Variants in EPHA6 observed in about 807,000 individuals in gnomAD.
EPHA6 encodes EPH receptor A6.
Under a neutral mutation model 112.0 loss-of-function variants are expected in EPHA6, and 50 were observed. That is an observed-to-expected ratio of 0.45 (90% CI 0.36 to 0.56). The LOEUF is 0.56. Ranked by LOEUF, EPHA6 falls within the 20% of genes least tolerant of loss-of-function variation. The probability of loss-of-function intolerance (pLI) is 0.00; values close to 1 mark genes in which losing one functional copy is unlikely to be tolerated. For synonymous variants in EPHA6, 529 were observed against 490.7 expected (o/e 1.08, Z -1.03); for missense variants, 1,280 against 1,417.4 (o/e 0.90, Z 1.56).
intron 5 of EPHA6, among the ~76,000 whole-genome samples, chr3:97,295,666 C>T (rs894449663): frequency 6.6e-6 from 1 of 151,490 alleles, no homozygotes; most frequent in African/African-American, 2.4e-5. Context: ...GTGCAACAGT[C>T]ACTTTTTCCA....
chr3:97,183,538 A>G (rs1402913060), intron 3 of EPHA6, among the ~76,000 whole-genome samples: 9 of 152,176 alleles, frequency 5.9e-5, no homozygotes, highest in African/African-American at 2.2e-4. Flanking sequence ...CATAAAAGTT[A>G]TTCACATTCT....
intron 2 of EPHA6, among the ~76,000 whole-genome samples, chr3:96,889,075 A>C (rs1055469546): frequency 8.5e-5 from 13 of 152,100 alleles, no homozygotes; most frequent in African/African-American, 3.1e-4. Flanking sequence ...CATAACAAGA[A>C]TCACCTTTGC....
chr3:97,071,859 A>C (rs1254123205), intron 3 of EPHA6, among the ~76,000 whole-genome samples: 1 of 151,884 alleles, frequency 6.6e-6, no homozygotes, highest in Non-Finnish European at 1.5e-5. Context: ...TTAGTCTTTT[A>C]TTCCTCACCC....
chr3:97,161,717 GCC>G (rs2076420352), intron 3 of EPHA6, among the ~76,000 whole-genome samples: 1 of 152,032 alleles, frequency 6.6e-6, no homozygotes, highest in Non-Finnish European at 1.5e-5. Flanking sequence ...AAAAAAAAAG[GCC>G]CCTGAATTTT....
chr3:97,614,256 T>G, intron 13 of EPHA6, among the ~76,000 whole-genome samples: 1 of 152,036 alleles, frequency 6.6e-6, no homozygotes, highest in East Asian at 1.9e-4. Flanking sequence ...CAAAATTCAG[T>G]TATACCAAAA....
intron 2 of EPHA6, among the ~76,000 whole-genome samples, chr3:96,868,970 C>G (rs1157453010): frequency 1.3e-5 from 2 of 151,882 alleles, no homozygotes; most frequent in African/African-American, 2.4e-5. Context: ...GAAAATTGAG[C>G]ATCTCTGGTG....
At chr3:97,014,185 A>G (rs1362970158) in intron 3 of EPHA6, among the ~76,000 whole-genome samples, 1 of 152,144 alleles carries the variant, frequency 6.6e-6, no homozygotes, top group African/African-American at 2.4e-5. Flanking sequence ...AAAGAGCGAT[A>G]GATAGGTCAA....
intron 6 of EPHA6, among the ~76,000 whole-genome samples, chr3:97,415,995 C>T (rs753415052): frequency 2.0e-5 from 3 of 151,918 alleles, no homozygotes; most frequent in African/African-American, 4.8e-5. Flanking sequence ...AATGTTTCTC[C>T]ATTTCGCCTA....
At chr3:97,697,878 C>T (rs577920600) in intron 14 of EPHA6, among the ~76,000 whole-genome samples, 1 of 152,302 alleles carries the variant, frequency 6.6e-6, no homozygotes, top group South Asian at 2.1e-4. Context: ...ACTATTCACA[C>T]CTGTTTTATA....
At chr3:96,948,091 G>A (rs1001073683) in intron 2 of EPHA6, among the ~76,000 whole-genome samples, 10 of 152,254 alleles carry the variant, frequency 6.6e-5, no homozygotes, top group Non-Finnish European at 1.5e-4. Flanking sequence ...TATCCTGTAC[G>A]TATTTTGGAT....
intron 6 of EPHA6, among the ~76,000 whole-genome samples, chr3:97,409,100 A>G (rs1264635029): frequency 6.6e-6 from 1 of 152,108 alleles, no homozygotes; most frequent in Non-Finnish European, 1.5e-5. Context: ...AATTACCTCT[A>G]ACAAGTTTTT....
intron 5 of EPHA6, among the ~76,000 whole-genome samples, chr3:97,259,865 A>T (rs536823283): frequency 4.6e-5 from 7 of 151,672 alleles, no homozygotes; most frequent in African/African-American, 1.7e-4. Flanking sequence ...CAGTGGCACA[A>T]TCTCAGCTCA....
At chr3:96,926,358 A>G (rs2040035206) in intron 2 of EPHA6, among the ~76,000 whole-genome samples, 1 of 152,134 alleles carries the variant, frequency 6.6e-6, no homozygotes, top group Admixed American at 6.5e-5. Context: ...TTGGGTGGGG[A>G]CACAGAACCA....
chr3:97,613,810 C>T (rs2093740499), intron 13 of EPHA6, among the ~76,000 whole-genome samples: 1 of 152,172 alleles, frequency 6.6e-6, no homozygotes, highest in South Asian at 2.1e-4. Context: ...TTTCTAAGCC[C>T]ATTTGGGGAT....
In EPHA6 at chr3:96,947,786, A is replaced by G. The variant is rs191008131; in HGVS notation, c.451-39544A>G. ...ATGGAAGAACATTCCATGCTCATGG[A>G]TAGGAAGAATCAATATCATGAAAAT... On this transcript the variant is annotated intron_variant, in intron 2 of 17. Coordinates refer to ENST00000389672, the MANE Select transcript of EPHA6 (RefSeq NM_001080448.3). Among the ~76,000 whole-genome samples the G allele has an allele frequency of 3.3e-3, 500 of 152,320 alleles. 3 individuals carry two copies. Among genetic ancestry groups the G allele is most frequent in the Non-Finnish European group, 5.1e-3 (348 of 68,014 alleles).
intron 14 of EPHA6, among the ~76,000 whole-genome samples, chr3:97,692,218 G>A (rs1359000620): frequency 6.6e-6 from 1 of 152,054 alleles, no homozygotes. Context: ...GTTAAGCCAG[G>A]TTATTTTCAT....
intron 4 of EPHA6, among the ~76,000 whole-genome samples, chr3:97,234,273 C>G (rs1183740110): frequency 6.6e-6 from 1 of 152,008 alleles, no homozygotes; most frequent in Non-Finnish European, 1.5e-5. Context: ...TTTCTGCTAA[C>G]TCCTTCCTTA....
intron 3 of EPHA6, among the ~76,000 whole-genome samples, chr3:97,214,055 G>GA: frequency 6.6e-6 from 1 of 150,806 alleles, no homozygotes; most frequent in African/African-American, 2.5e-5. Context: ...GAGAGAGAGA[G>GA]GGAGAGGGAG....
At chr3:96,995,748 A>G (rs917766167) in intron 3 of EPHA6, among the ~76,000 whole-genome samples, 4 of 152,150 alleles carry the variant, frequency 2.6e-5, no homozygotes, top group Non-Finnish European at 5.9e-5. Context: ...CTTAATTTAA[A>G]AACACCTTAT....
Sources: gnomAD v4.1 joint callset for allele counts (sites outside exome capture counted in the v4.1 genomes callset) on GRCh38, gnomAD v4.1.1 for gene constraint, MANE v1.5 for transcripts, NCBI Gene and HGNC (gene_info 2026-07-23, HGNC 2026-07-21) for gene names.